Variants in GFRA1 observed in about 807,000 individuals in gnomAD.
GFRA1 encodes the protein GDNF family receptor alpha 1, also known as GDNF family receptor alpha-1.
A neutral mutation model predicts 51.6 loss-of-function variants in GFRA1; 16 were observed. That is an observed-to-expected ratio of 0.31 (90% CI 0.21 to 0.47). The LOEUF (loss-of-function observed/expected upper bound fraction) is 0.47. GFRA1 is among the 20% of genes least tolerant of loss of function. The pLI is 1.00. For missense variants in GFRA1, 530 were observed against 594.3 expected, an observed-to-expected ratio of 0.89 and a Z score of 1.13; for synonymous variants, 270 against 241.3, an observed-to-expected ratio of 1.12 and a Z score of -1.10.
intron 5 of GFRA1, among the ~76,000 whole-genome samples, chr10:116,195,186 C>T (rs925073706): frequency 1.3e-5 from 2 of 152,154 alleles, no homozygotes; most frequent in African/African-American, 2.4e-5. Flanking sequence ...CCCCATTGAG[C>T]TTTCTTTAAT....
At chr10:116,112,732 C>A (rs1174532463) in intron 6 of GFRA1, among the ~76,000 whole-genome samples, 1 of 152,210 alleles carries the variant, frequency 6.6e-6, no homozygotes, top group South Asian at 2.1e-4. Flanking sequence ...GTGCTCCAGC[C>A]TGCCAAGCAG....
At chr10:116,250,051 G>C (rs1968197172) in intron 4 of GFRA1, among the ~76,000 whole-genome samples, 1 of 152,180 alleles carries the variant, frequency 6.6e-6, no homozygotes, top group Non-Finnish European at 1.5e-5. Flanking sequence ...AGATGACGGG[G>C]GGAAGGCAAG....
At position 116,057,854 on chromosome 10, in the gene GFRA1, G is replaced by A. The variant is rs1376724685; in HGVS notation, c.*6544C>T. 6.6e-6 allele frequency: 1 copy of A among 151,714 alleles called. No homozygotes were observed. Among genetic ancestry groups the A allele is most frequent in the Non-Finnish European group, 1.5e-5 (1 of 67,992 alleles). The allele number at this position is 151,714 out of a possible 1,614,324, so 9.4% of individuals were successfully genotyped here. On this transcript the variant is annotated 3_prime_UTR_variant, in exon 11 of 11. Transcript: ENST00000355422. Reference sequence around the variant, plus strand: ...GCAGGGCAAACTGATTTGGTTCTGCGATTTCCATTCTCCTCTCCACATCCG... The same window carrying A: ...GCAGGGCAAACTGATTTGGTTCTGCAATTTCCATTCTCCTCTCCACATCCG...
chr10:116,207,196 AG>A, intron 5 of GFRA1, among the ~76,000 whole-genome samples: 1 of 122,320 alleles, frequency 8.2e-6, no homozygotes, highest in South Asian at 2.9e-4. Flanking sequence ...CTGAGGCCAG[AG>A]GCCAAAGCAC....
At chr10:116,163,262 A>G (rs1432662722) in intron 5 of GFRA1, among the ~76,000 whole-genome samples, 2 of 152,206 alleles carry the variant, frequency 1.3e-5, no homozygotes, top group Non-Finnish European at 2.9e-5. Flanking sequence ...AAAAAGACTC[A>G]TGGGAGCTCA....
At chr10:116,212,095 T>A (rs1170191343) in intron 4 of GFRA1, among the ~76,000 whole-genome samples, 2 of 152,148 alleles carry the variant, frequency 1.3e-5, no homozygotes, top group East Asian at 3.8e-4. Context: ...GTTAAATAAC[T>A]CATTCAAGGC....
At chr10:116,206,208 C>T (rs1260795937) in intron 5 of GFRA1, among the ~76,000 whole-genome samples, 1 of 152,096 alleles carries the variant, frequency 6.6e-6, no homozygotes, top group East Asian at 1.9e-4. Flanking sequence ...AAATAGATTT[C>T]ATTTATTCAC....
Position 116,079,337 on chromosome 10 carries a change from C to A in GFRA1, c.1197+10404G>T, listed in dbSNP as rs558528786. 3.3e-5 allele frequency among the ~76,000 whole-genome samples: 5 copies of A among 152,190 alleles called. No individual in the cohort carries two copies. The East Asian group carries it at 9.7e-4, about 29-fold the overall frequency. On this transcript the variant is annotated intron_variant, in intron 9 of 10. Coordinates refer to ENST00000355422, the MANE Select transcript of GFRA1 (RefSeq NM_005264.8). ...CCAAATGGACTAAGACAAGTAGTAA[C>A]CACAGCTTCCTTTCCTTGTCCCTGC...
chr10:116,256,082 C>T (rs1383826918), intron 4 of GFRA1, among the ~76,000 whole-genome samples: 1 of 152,098 alleles, frequency 6.6e-6, no homozygotes, highest in African/African-American at 2.4e-5. Flanking sequence ...GGCGGAAAAA[C>T]AAATGAAACA....
intron 4 of GFRA1, among the ~76,000 whole-genome samples, chr10:116,250,193 C>T (rs118183838): frequency 1.3e-3 from 193 of 152,264 alleles, no homozygotes; most frequent in Non-Finnish European, 1.9e-3. Flanking sequence ...GGACTTGATT[C>T]TTTAAGAATT....
At chr10:116,264,929 T>G (rs1969548368) in intron 4 of GFRA1, among the ~76,000 whole-genome samples, 1 of 152,222 alleles carries the variant, frequency 6.6e-6, no homozygotes, top group African/African-American at 2.4e-5. Flanking sequence ...TTACAAGGCT[T>G]TCTCTCGTCA....
At chr10:116,201,034 A>C (rs1266654355) in intron 5 of GFRA1, among the ~76,000 whole-genome samples, 3 of 152,282 alleles carry the variant, frequency 2.0e-5, no homozygotes, top group East Asian at 1.9e-4. Context: ...TCTCTGCTTA[A>C]AGAGCTGCAA....
In GFRA1 at chr10:116,062,429, A is replaced by G; in HGVS notation, c.*1969T>C. Reference sequence around the variant, plus strand: ...TGAATTTCCCTTGAAAACATTTTGAAGTGAAAAAAGTCAGTACTGAGTACT... The same window carrying G: ...TGAATTTCCCTTGAAAACATTTTGAGGTGAAAAAAGTCAGTACTGAGTACT... On this transcript the variant is annotated 3_prime_UTR_variant, in exon 11 of 11. Coordinates refer to ENST00000355422, the MANE Select transcript of GFRA1 (RefSeq NM_005264.8). 1 of 277,876 alleles carries G rather than the reference A, an allele frequency of 3.6e-6. No individual in the cohort carries two copies. Among genetic ancestry groups the G allele is most frequent in the Non-Finnish European group, 6.6e-6 (1 of 150,834 alleles). The allele number at this position is 277,876 out of a possible 1,614,324, so 17.2% of individuals were successfully genotyped here. A position where few individuals can be genotyped will look rare whatever the true frequency, so the allele number is the denominator to read the frequency against.
intron 5 of GFRA1, among the ~76,000 whole-genome samples, chr10:116,210,925 G>A (rs956054377): frequency 6.6e-6 from 1 of 152,134 alleles, no homozygotes; most frequent in Non-Finnish European, 1.5e-5. Context: ...CCCCCTTGAC[G>A]TATATCCAGA....
intron 6 of GFRA1, among the ~76,000 whole-genome samples, chr10:116,124,333 G>A (rs1182136179): frequency 1.3e-5 from 2 of 151,524 alleles, no homozygotes; most frequent in African/African-American, 2.4e-5. Flanking sequence ...AGGTTCAAGC[G>A]ATTCTCCTGT....
chr10:116,117,941 A>C (rs1957494664), intron 6 of GFRA1, among the ~76,000 whole-genome samples: 1 of 151,876 alleles, frequency 6.6e-6, no homozygotes, highest in Admixed American at 6.6e-5. Context: ...TGGGTTCTCC[A>C]ACTCTCCAAC....
chr10:116,093,756 C>T lies in GFRA1; in HGVS notation c.961G>A (p.Asp321Asn), dbSNP rs1167037752. The T allele has an allele frequency of 3.1e-6, 5 of 1,613,526 alleles. No individual in the cohort carries two copies. Among genetic ancestry groups the T allele is most frequent in the Middle Eastern group, 1.6e-4 (1 of 6,084 alleles). Residue 321 changes from aspartate (D) to asparagine (N), a missense_variant, in exon 8 of 11, where the codon GAC (aspartate) becomes AAC (asparagine). Asp to Asn is a conservative substitution (Grantham distance 23, BLOSUM62 1). Transcript: ENST00000355422. Reference protein sequence around the residue: ...PWCDCSNSGNDLEECLKFLNF... With the variant: ...PWCDCSNSGNNLEECLKFLNF... ...AAAAATTTCAAGCACTCTTCTAGGT[C>T]GTTCCCACTGTTGCTGCAGTCACAC...
chr10:116,070,987 T>TAAAAC (rs1955364261), intron 9 of GFRA1, among the ~76,000 whole-genome samples: 1 of 152,200 alleles, frequency 6.6e-6, no homozygotes, highest in South Asian at 2.1e-4. Context: ...GTCAGCTGCG[T>TAAAAC]AAAACAAGTG....
intron 9 of GFRA1, among the ~76,000 whole-genome samples, chr10:116,070,866 C>T (rs535766640): frequency 2.0e-5 from 3 of 147,560 alleles, no homozygotes; most frequent in South Asian, 2.1e-4. Flanking sequence ...GCCAGCCTTT[C>T]GAAAACATCT....
Sources: gnomAD v4.1 joint callset for allele counts (sites outside exome capture counted in the v4.1 genomes callset) on GRCh38, gnomAD v4.1.1 for gene constraint, MANE v1.5 for transcripts, NCBI Gene and HGNC (gene_info 2026-07-23, HGNC 2026-07-21) for gene names.